Variants in PTBP3 observed in about 807,000 individuals in gnomAD.
The protein encoded by PTBP3 is polypyrimidine tract-binding protein 3.
PTBP3 carries 20 observed loss-of-function variants against 58.7 expected under a neutral mutation model. That is an observed-to-expected ratio of 0.34 (90% CI 0.24 to 0.50). PTBP3 has a LOEUF of 0.50. Among genes scored for constraint, PTBP3 ranks in the 20% least tolerant of loss-of-function variants. PTBP3 has a pLI of 0.98. For synonymous variants in PTBP3, 185 were observed against 219.8 expected (o/e 0.84, Z 1.40); for missense variants, 509 against 637.2 (o/e 0.80, Z 2.17).
At chr9:112,320,291 A>AAAAAAATAT (rs1411646280) in intron 1 of PTBP3, among the ~76,000 whole-genome samples, 6 of 73,536 alleles carry the variant, frequency 8.2e-5, no homozygotes, top group South Asian at 5.2e-4. Context: ...AAAAAAAAAA[A>AAAAAAATAT]ATATATATAT....
chr9:112,267,152 T>A (rs779113080), intron 4 of PTBP3, among the ~76,000 whole-genome samples: 18 of 149,648 alleles, frequency 1.2e-4, no homozygotes, highest in Non-Finnish European at 1.9e-4. Context: ...ATCATAATTT[T>A]AAAAAAACCC....
intron 1 of PTBP3, among the ~76,000 whole-genome samples, chr9:112,326,294 C>T (rs1394045099): frequency 6.6e-6 from 1 of 152,226 alleles, no homozygotes; most frequent in Non-Finnish European, 1.5e-5. Flanking sequence ...AGCACAGCAG[C>T]AGGCAAACGT....
At chr9:112,325,857 A>G (rs1185637109) in intron 1 of PTBP3, among the ~76,000 whole-genome samples, 2 of 152,142 alleles carry the variant, frequency 1.3e-5, no homozygotes, top group East Asian at 3.9e-4. Flanking sequence ...GTCTCTACAA[A>G]AAACACAAAA....
At chr9:112,373,097 C>T in the PTBP3 span, among the ~76,000 whole-genome samples, 1 of 151,974 alleles carries the variant, frequency 6.6e-6, no homozygotes, top group East Asian at 1.9e-4. Flanking sequence ...AGGCTTTCAC[C>T]GTGTTAGCCA....
chr9:112,239,346 C>A (rs1226437470), intron 7 of PTBP3, among the ~76,000 whole-genome samples: 1 of 152,072 alleles, frequency 6.6e-6, no homozygotes, highest in Non-Finnish European at 1.5e-5. Flanking sequence ...CAAGTCTGCC[C>A]TGGTGAAGTT....
rs1170583541 is a variant in PTBP3 at position 112,297,886 on chromosome 9, T to C, written c.-21A>G. On this transcript the variant is annotated 5_prime_UTR_variant, in exon 2 of 14. Coordinates refer to ENST00000374257, the MANE Select transcript of PTBP3 (RefSeq NM_001163788.4). ...TTCATGGTAAAAGGTCCGTTAATGA[T>C]GCCAGAAGAAAGAAGCTCATCAGAT... is the stretch of plus-strand genomic sequence containing the variant. 1.2e-6 allele frequency: 2 copies of C among 1,612,628 alleles called. No individual in the cohort carries two copies. Among genetic ancestry groups the C allele is most frequent in the African/African-American group, 2.7e-5 (2 of 74,748 alleles).
At chr9:112,228,874 T>G (rs1033908601) in intron 10 of PTBP3, among the ~76,000 whole-genome samples, 1 of 152,204 alleles carries the variant, frequency 6.6e-6, no homozygotes, top group South Asian at 2.1e-4. Flanking sequence ...GGTCTAAATA[T>G]CTCTCATATT....
At chr9:112,302,582 C>CTTTTTTTTTTTTTTTTTTTTTTTTT (rs369208342) in intron 1 of PTBP3, among the ~76,000 whole-genome samples, 4 of 110,494 alleles carry the variant, frequency 3.6e-5, no homozygotes, top group African/African-American at 1.3e-4. Context: ...TATTCTTCAT[C>CTTTTTTTTTTTTTTTTTTTTTTTTT]TTTTTTTTTT....
chr9:112,292,012 A>G (rs1774397546), intron 2 of PTBP3, among the ~76,000 whole-genome samples: 1 of 152,236 alleles, frequency 6.6e-6, no homozygotes, highest in Admixed American at 6.5e-5. Context: ...CTACAACTCA[A>G]CAACAAAAAC....
chr9:112,221,511 T>A lies in PTBP3; in HGVS notation c.*2340A>T, dbSNP rs1207675195. 1.0e-6 allele frequency: 1 copy of A among 985,444 alleles called. No individual in the cohort carries two copies. The highest frequency in any genetic ancestry group is 1.7e-5 in the African/African-American group (1 of 57,212). 61.0% of individuals were successfully genotyped at this position (985,444 alleles called of 1,614,324 possible). A position where few individuals can be genotyped will look rare whatever the true frequency, so the allele number is the denominator to read the frequency against. ...GTAAATGAAATAATCCAATTTAACA[T>A]GGCACTGAAAATTATAATAGTGCCT... On this transcript the variant is annotated 3_prime_UTR_variant, in exon 14 of 14. Transcript: ENST00000374257.
chr9:112,248,892 A>G (rs1475047062), intron 7 of PTBP3, among the ~76,000 whole-genome samples: 1 of 152,216 alleles, frequency 6.6e-6, no homozygotes, highest in Admixed American at 6.5e-5. Flanking sequence ...ACCATGATCT[A>G]TTATTCTTCC....
intron 5 of PTBP3, among the ~76,000 whole-genome samples, chr9:112,254,692 G>A (rs1303088019): frequency 6.6e-6 from 1 of 152,086 alleles, no homozygotes; most frequent in Non-Finnish European, 1.5e-5. Context: ...CTTCCATTAG[G>A]ATAGTTATAA....
chr9:112,290,703 TATATACACACAC>T (rs1828371957), intron 2 of PTBP3, among the ~76,000 whole-genome samples: 6 of 64,632 alleles, frequency 9.3e-5, no homozygotes, highest in African/African-American at 5.3e-4. Context: ...TATATATATA[TATATACACACAC>T]ACACACACAC....
the PTBP3 span, among the ~76,000 whole-genome samples, chr9:112,378,074 C>A: frequency 6.6e-6 from 1 of 150,742 alleles, no homozygotes; most frequent in Non-Finnish European, 1.5e-5. Flanking sequence ...TATTCACCTT[C>A]CAAAATGAAG....
the PTBP3 span, among the ~76,000 whole-genome samples, chr9:112,358,981 T>C: frequency 3.9e-5 from 6 of 152,118 alleles, no homozygotes; most frequent in Non-Finnish European, 4.4e-5. Context: ...ACCACAGGCA[T>C]GTGCCACTAT....
rs757764387 is a variant in PTBP3, at chr9:112,268,089, T to C, written c.311A>G (p.Asn104Ser). Residue 104 changes from asparagine to serine, a missense_variant, in exon 4 of 14, where the codon AAT becomes AGT. Transcript: ENST00000374257. ...ATTGTCAGTCTTAAGTTCTCTGTGA[T>C]TGGAATACTGAATATAAACAGGCTG... ...RSQPVYIQYS[N>S]HRELKTDNLP... The C allele has an allele frequency of 1.1e-5, 17 of 1,613,634 alleles. No homozygotes were observed. The highest frequency in any genetic ancestry group is 1.4e-5 in the Non-Finnish European group (16 of 1,179,756).
At chr9:112,305,309 A>G (rs1242135942) in intron 1 of PTBP3, among the ~76,000 whole-genome samples, 2 of 147,412 alleles carry the variant, frequency 1.4e-5, no homozygotes, top group African/African-American at 5.0e-5. Flanking sequence ...CCAGACAGTC[A>G]TAGGGTAAGG....
chr9:112,366,245 G>A, the PTBP3 span, among the ~76,000 whole-genome samples: 1 of 151,336 alleles, frequency 6.6e-6, no homozygotes, highest in Non-Finnish European at 1.5e-5. Flanking sequence ...ACACACCATT[G>A]CACTCCAGCC....
Position 112,333,513 on chromosome 9 carries a change from C to T in PTBP3, c.-95G>A. ...GAGGCGCGCACAGAGCAGGGACTGACGGGCTAACCGCGAGCAGAGGAAGCA... is the reference window on the plus strand; with the variant it reads ...GAGGCGCGCACAGAGCAGGGACTGATGGGCTAACCGCGAGCAGAGGAAGCA... On this transcript the variant is annotated 5_prime_UTR_variant, in exon 1 of 14. Transcript: ENST00000374257. 1 of 1,583,368 alleles carries T rather than the reference C, an allele frequency of 6.3e-7. No individual in the cohort carries two copies. Among genetic ancestry groups the T allele is most frequent in the Non-Finnish European group, 8.6e-7 (1 of 1,164,722 alleles).
Sources: gnomAD v4.1 joint callset for allele counts (sites outside exome capture counted in the v4.1 genomes callset) on GRCh38, gnomAD v4.1.1 for gene constraint, MANE v1.5 for transcripts, NCBI Gene and HGNC (gene_info 2026-07-23, HGNC 2026-07-21) for gene names.